CACNB4: variants seen among roughly 807,000 people sequenced by gnomAD.
CACNB4 encodes voltage-dependent L-type calcium channel subunit beta-4.
In CACNB4, 32 loss-of-function variants were observed where a neutral mutation model predicts 71.2. That is an observed-to-expected ratio of 0.45 (90% confidence interval 0.34 to 0.60). CACNB4 has a LOEUF of 0.60. CACNB4 is among the 20% of genes least tolerant of loss of function. The pLI is 0.01. For missense variants in CACNB4, 464 were observed against 647.9 expected, an observed-to-expected ratio of 0.72 and a Z score of 3.08; for synonymous variants, 231 against 236.9, an observed-to-expected ratio of 0.97 and a Z score of 0.23.
intron 2 of CACNB4, among the ~76,000 whole-genome samples, chr2:151,975,668 G>C (rs990445911): frequency 6.6e-6 from 1 of 152,150 alleles, no homozygotes; most frequent in Non-Finnish European, 1.5e-5. Context: ...CATACACCAA[G>C]AGGACCAGAT....
At chr2:151,939,627 C>T (rs939789537) in intron 2 of CACNB4, among the ~76,000 whole-genome samples, 3 of 152,168 alleles carry the variant, frequency 2.0e-5, no homozygotes, top group Non-Finnish European at 4.4e-5. Context: ...CCCATAGTTA[C>T]GGGCACTGCA....
chr2:151,889,646 TC>T (rs2099850251), intron 2 of CACNB4, among the ~76,000 whole-genome samples: 1 of 152,092 alleles, frequency 6.6e-6, no homozygotes, highest in African/African-American at 2.4e-5. Flanking sequence ...TTCCCAGATT[TC>T]CCCGGGTAGA....
chr2:151,909,524 G>T (rs1334740533), intron 2 of CACNB4, among the ~76,000 whole-genome samples: 1 of 151,530 alleles, frequency 6.6e-6, no homozygotes, highest in Non-Finnish European at 1.5e-5. Flanking sequence ...GTGTGCCATG[G>T]TGGTTTGCTG....
At chr2:152,022,985 T>G (rs550251042) in intron 2 of CACNB4, among the ~76,000 whole-genome samples, 18 of 152,246 alleles carry the variant, frequency 1.2e-4, no homozygotes, top group African/African-American at 4.3e-4. Context: ...CTGGGTAATT[T>G]ATAAAGAAAA....
intron 2 of CACNB4, among the ~76,000 whole-genome samples, chr2:152,035,299 G>C (rs939153317): frequency 2.0e-5 from 3 of 152,234 alleles, no homozygotes; most frequent in African/African-American, 7.2e-5. Context: ...AGTGGCTCAT[G>C]CCTGTAATCC....
intron 2 of CACNB4, among the ~76,000 whole-genome samples, chr2:151,952,295 T>C (rs761138114): frequency 2.0e-5 from 3 of 152,066 alleles, no homozygotes; most frequent in Admixed American, 2.0e-4. Context: ...AAGCCTACAA[T>C]GGGGAGTAAT....
At chr2:151,964,507 A>C (rs1453056151) in intron 2 of CACNB4, among the ~76,000 whole-genome samples, 8 of 152,170 alleles carry the variant, frequency 5.3e-5, no homozygotes, top group Non-Finnish European at 1.2e-4. Context: ...TTTTCCCCCA[A>C]ATATTCCCAT....
intron 2 of CACNB4, chr2:151,968,979 T>C (rs1235052798): frequency 1.3e-5 from 2 of 152,274 alleles, no homozygotes; most frequent in Non-Finnish European, 1.5e-5. Flanking sequence ...ATGCCAATTA[T>C]ATCTAGAAAT....
At chr2:152,053,704 T>C (rs1423006022) in intron 2 of CACNB4, among the ~76,000 whole-genome samples, 1 of 151,980 alleles carries the variant, frequency 6.6e-6, no homozygotes, top group African/African-American at 2.4e-5. Flanking sequence ...TTCAATTTTT[T>C]GTAGAGATAG....
chr2:151,868,173 A>G (rs954645833), intron 9 of CACNB4: 4 of 152,222 alleles, frequency 2.6e-5, no homozygotes, highest in African/African-American at 9.6e-5. Flanking sequence ...CCAATTTATT[A>G]AAATCTATCT....
At chr2:151,942,053 G>T (rs2099864403) in intron 2 of CACNB4, among the ~76,000 whole-genome samples, 2 of 136,108 alleles carry the variant, frequency 1.5e-5, no homozygotes, top group African/African-American at 7.6e-5. Flanking sequence ...ATGCTATCTA[G>T]AACTCATCAA....
At chr2:152,048,457 T>C (rs1248189535) in intron 2 of CACNB4, 1 of 152,200 alleles carries the variant, frequency 6.6e-6, no homozygotes, top group Non-Finnish European at 1.5e-5. Context: ...ATCTGTCCAA[T>C]AGGAAACCAA....
rs1293639380 is a variant in CACNB4, at chr2:152,012,329, C to CGTG, written c.147+85998_147+86000dup. Among the ~76,000 whole-genome samples, 3 of 152,066 alleles carry CGTG rather than the reference C, an allele frequency of 2.0e-5. No homozygotes were observed. The East Asian group carries it at 5.8e-4, about 29-fold the overall frequency. The stretch of plus-strand genomic sequence containing the variant: ...TGTGTGTTAGTTTTTAATTAAAAGG[C>CGTG]GTGGTGGCTCACACCTGTAATCCCA... On this transcript the variant is annotated intron_variant, in intron 2 of 13. Transcript: ENST00000539935.
At chr2:151,842,721 C>A (rs1473471799) in intron 12 of CACNB4, among the ~76,000 whole-genome samples, 1 of 152,096 alleles carries the variant, frequency 6.6e-6, no homozygotes, top group African/African-American at 2.4e-5. Flanking sequence ...GTATTCACAT[C>A]TTTAGCCATG....
intron 13 of CACNB4, chr2:151,841,570 A>G (rs1314623085): frequency 3.9e-6 from 1 of 257,640 alleles, no homozygotes. Flanking sequence ...CCTGAACAAC[A>G]GAGTGAGACT....
At chr2:152,023,715 G>A (rs372944600) in intron 2 of CACNB4, among the ~76,000 whole-genome samples, 17 of 152,192 alleles carry the variant, frequency 1.1e-4, no homozygotes, top group East Asian at 9.6e-4. Context: ...GATTACAGGC[G>A]TGAGCCACCA....
chr2:151,887,166 T>C (rs1002088626), intron 2 of CACNB4, among the ~76,000 whole-genome samples: 5 of 152,206 alleles, frequency 3.3e-5, no homozygotes, highest in Admixed American at 3.3e-4. Context: ...TGGCCAAAGC[T>C]GAAAAGACCT....
chr2:151,973,598 G>T (rs1439630712), intron 2 of CACNB4: 4 of 1,379,830 alleles, frequency 2.9e-6, no homozygotes, highest in Admixed American at 3.5e-5. Flanking sequence ...ATAAGAAGCG[G>T]GGGGGTGGAG....
intron 2 of CACNB4, among the ~76,000 whole-genome samples, chr2:152,029,841 G>A (rs1015944758): frequency 2.6e-5 from 4 of 152,140 alleles, no homozygotes; most frequent in South Asian, 2.1e-4. Flanking sequence ...GAACCAGAAC[G>A]TTGGCCTTTG....
Sources: gnomAD v4.1 joint callset for allele counts (sites outside exome capture counted in the v4.1 genomes callset) on GRCh38, gnomAD v4.1.1 for gene constraint, MANE v1.5 for transcripts, NCBI Gene and HGNC (gene_info 2026-07-23, HGNC 2026-07-21) for gene names.